Variants in MAOA observed in about 807,000 individuals in gnomAD.
MAOA encodes the protein amine oxidase [flavin-containing] A.
MAOA carries 6 observed loss-of-function variants against 42.0 expected under a neutral mutation model. The observed-to-expected ratio is 0.14, with a 90% CI of 0.08 to 0.28. The LOEUF is 0.28. MAOA is among the 10% of genes least tolerant of loss of function. MAOA has a pLI of 1.00. For synonymous variants in MAOA, 140 were observed against 154.0 expected, an observed-to-expected ratio of 0.91 and a Z score of 0.67; for missense variants, 262 against 422.3, an observed-to-expected ratio of 0.62 and a Z score of 3.33.
chrX:43,691,044 G>T (rs2033528382), intron 2 of MAOA, among the ~76,000 whole-genome samples: 1 of 111,480 alleles, frequency 9.0e-6, no homozygotes, highest in Admixed American at 9.5e-5. Context: ...AGATACACAA[G>T]AAGTGTCTGA....
rs2033985250 is a variant in MAOA at position 43,744,523 on chromosome X, C to T, written c.*10C>T. On this transcript the variant is annotated 3_prime_UTR_variant, in exon 15 of 15. Transcript: ENST00000338702. ...CCTGCCACGGTCTTGAAGTTCTGTTCTTATGCTCTCTGCTCACTGGTTTTC... is the reference window on the plus strand; with the variant it reads ...CCTGCCACGGTCTTGAAGTTCTGTTTTTATGCTCTCTGCTCACTGGTTTTC... The T allele has an allele frequency of 1.7e-6, 2 of 1,207,557 alleles. No homozygotes were observed. Among genetic ancestry groups the T allele is most frequent in the East Asian group, 5.9e-5 (2 of 33,791 alleles).
chrX:43,706,382 A>G (rs1226338369), intron 3 of MAOA, among the ~76,000 whole-genome samples: 1 of 112,082 alleles, frequency 8.9e-6, no homozygotes. Flanking sequence ...TAATTACACA[A>G]AAGCCGCCAG....
intron 5 of MAOA, among the ~76,000 whole-genome samples, chrX:43,725,559 G>A (rs1041679221): frequency 1.8e-5 from 2 of 110,052 alleles, no homozygotes; most frequent in African/African-American, 6.6e-5. Context: ...TTGAGCCTAT[G>A]TGTGTCTTTG....
intron 2 of MAOA, among the ~76,000 whole-genome samples, chrX:43,692,492 A>G (rs2033544585): frequency 9.0e-6 from 1 of 110,989 alleles, no homozygotes; most frequent in African/African-American, 3.3e-5. Context: ...AATGATTTCT[A>G]CATGTTTTCA....
At chrX:43,696,589 C>T (rs959874123) in intron 3 of MAOA, among the ~76,000 whole-genome samples, 4 of 110,398 alleles carry the variant, frequency 3.6e-5, no homozygotes, top group South Asian at 3.9e-4. Context: ...ATTAGCCGGG[C>T]GTGCTGGCAG....
intron 3 of MAOA, among the ~76,000 whole-genome samples, chrX:43,706,624 C>T (rs868714372): frequency 9.5e-6 from 1 of 104,875 alleles, no homozygotes; most frequent in Non-Finnish European, 1.9e-5. Context: ...ATCTCTACAA[C>T]ATAAATAAAT....
chrX:43,670,532 G>A (rs976631662), intron 1 of MAOA, among the ~76,000 whole-genome samples: 2 of 104,663 alleles, frequency 1.9e-5, no homozygotes, highest in Non-Finnish European at 3.9e-5. Context: ...GTGCCATGCT[G>A]GTGTGCTGCA....
chrX:43,735,623 A>G (rs998845390), intron 9 of MAOA, among the ~76,000 whole-genome samples: 37 of 112,846 alleles, frequency 3.3e-4, no homozygotes, highest in African/African-American at 1.1e-3. Flanking sequence ...TGTTGTCCCA[A>G]CAAAGGCCTC....
intron 5 of MAOA, 147 bp from the exon 6 acceptor site, chrX:43,728,026 C>A: frequency 3.4e-6 from 2 of 581,610 alleles, no homozygotes. Context: ...TTAAAGAATG[C>A]ATTCCTTCAG....
intron 10 of MAOA, 117 bp from the exon 11 acceptor site, chrX:43,740,564 T>G: frequency 1.8e-6 from 1 of 560,820 alleles, no homozygotes; most frequent in East Asian, 4.1e-5. Context: ...GATTTTAATT[T>G]ATCTGTAATA....
rs2033179367 is a variant in MAOA at position 43,656,349 on chromosome X, A to G, written c.8A>G (p.Asn3Ser). The change falls in exon 1 of 15, where the codon AAT becomes AGT. Residue 3 changes from asparagine to serine, a missense_variant. Physicochemically the swap from Asn to Ser is conservative, Grantham distance 46 (BLOSUM62 1). Coordinates refer to ENST00000338702, the MANE Select transcript of MAOA (RefSeq NM_000240.4). The part of the protein sequence containing the change: ME[N>S]QEKASIAGHM... The stretch of plus-strand genomic sequence containing the variant: ...GAGCGTGTCAGCCAAAGCATGGAGA[A>G]TCAAGAGAAGGCGAGTATCGCGGGC... The G allele has an allele frequency of 2.5e-6, 3 of 1,209,949 alleles. No individual in the cohort carries two copies. Among genetic ancestry groups the G allele is most frequent in the Non-Finnish European group, 2.2e-6 (2 of 894,761 alleles).
intron 5 of MAOA, among the ~76,000 whole-genome samples, chrX:43,721,797 G>C (rs1357881814): frequency 2.7e-5 from 3 of 109,484 alleles, no homozygotes; most frequent in Non-Finnish European, 5.7e-5. Context: ...CCATCAACTC[G>C]TCATTTACAT....
intron 2 of MAOA, among the ~76,000 whole-genome samples, chrX:43,691,312 T>C (rs1230546440): frequency 1.8e-5 from 2 of 109,219 alleles, no homozygotes; most frequent in African/African-American, 6.7e-5. Flanking sequence ...AAGTCGAGGC[T>C]GCAGTGAGCC....
At chrX:43,666,010 A>G (rs188322563) in intron 1 of MAOA, among the ~76,000 whole-genome samples, 13 of 112,176 alleles carry the variant, frequency 1.2e-4, no homozygotes. Flanking sequence ...TTAAAATGAC[A>G]TGCCACCGTA....
intron 3 of MAOA, among the ~76,000 whole-genome samples, chrX:43,696,419 G>A (rs1239298752): frequency 8.9e-6 from 1 of 112,337 alleles, no homozygotes; most frequent in East Asian, 2.8e-4. Context: ...GGAATGTAAG[G>A]CAGAAAATAA....
At chrX:43,673,832 CT>C (rs1338504970) in intron 1 of MAOA, among the ~76,000 whole-genome samples, 3 of 111,796 alleles carry the variant, frequency 2.7e-5, no homozygotes, top group African/African-American at 9.8e-5. Context: ...AATTTCTATT[CT>C]TTTACATTTG....
chrX:43,706,654 A>AAATAAATAAATAAAT (rs1569196430), intron 3 of MAOA, among the ~76,000 whole-genome samples: 3 of 92,197 alleles, frequency 3.3e-5, no homozygotes, highest in African/African-American at 2.1e-4. Flanking sequence ...AATAAATAAA[A>AAATAAATAAATAAAT]ATACAAAAAT....
intron 3 of MAOA, among the ~76,000 whole-genome samples, chrX:43,698,769 G>A (rs749100992): frequency 8.9e-6 from 1 of 111,817 alleles, no homozygotes; most frequent in African/African-American, 3.2e-5. Flanking sequence ...TATATAATAG[G>A]TTCCTGACTG....
intron 5 of MAOA, among the ~76,000 whole-genome samples, chrX:43,722,623 C>T (rs1470755986): frequency 5.4e-5 from 6 of 111,614 alleles, no homozygotes; most frequent in Non-Finnish European, 1.1e-4. Context: ...AAATTTTCTC[C>T]CATTCTGTAG....
Sources: gnomAD v4.1 joint callset for allele counts (sites outside exome capture counted in the v4.1 genomes callset) on GRCh38, gnomAD v4.1.1 for gene constraint, MANE v1.5 for transcripts, NCBI Gene and HGNC (gene_info 2026-07-23, HGNC 2026-07-21) for gene names.